Variants in NKAIN2 observed in about 807,000 individuals in gnomAD.
NKAIN2 encodes the protein sodium/potassium-transporting ATPase subunit beta-1-interacting protein 2.
Under a neutral mutation model 32.6 loss-of-function variants are expected in NKAIN2, and 14 were observed. The ratio of observed to expected loss-of-function variants is 0.43; its 90% confidence interval spans 0.28 to 0.67. NKAIN2 has a LOEUF of 0.67. Among genes scored for constraint, NKAIN2 ranks in the 30% least tolerant of loss-of-function variants. The probability of loss-of-function intolerance (pLI) is 0.17; values close to 1 mark genes in which losing one functional copy is unlikely to be tolerated. For missense variants in NKAIN2, 198 were observed against 258.3 expected (o/e 0.77, Z 1.60); for synonymous variants, 80 against 87.2 (o/e 0.92, Z 0.46).
At chr6:124,364,695 A>G (rs1262668565) in intron 3 of NKAIN2, among the ~76,000 whole-genome samples, 1 of 152,018 alleles carries the variant, frequency 6.6e-6, no homozygotes, top group Non-Finnish European at 1.5e-5. Context: ...CGTAAGATAA[A>G]TAATTACTAG....
intron 3 of NKAIN2, among the ~76,000 whole-genome samples, chr6:124,426,674 A>G (rs923034141): frequency 2.0e-4 from 31 of 152,148 alleles, no homozygotes; most frequent in African/African-American, 7.0e-4. Context: ...ATATAGAAGA[A>G]CAAGCATACT....
At chr6:124,342,459 T>C (rs1357395037) in intron 2 of NKAIN2, among the ~76,000 whole-genome samples, 1 of 140,772 alleles carries the variant, frequency 7.1e-6, no homozygotes, top group Non-Finnish European at 1.5e-5. Context: ...AACACCTCAT[T>C]GTTAAAAATT....
intron 3 of NKAIN2, among the ~76,000 whole-genome samples, chr6:124,377,395 A>G (rs1407727287): frequency 6.6e-6 from 1 of 152,166 alleles, no homozygotes; most frequent in African/African-American, 2.4e-5. Flanking sequence ...AGCAGAGAAG[A>G]CAGTTAATTA....
intron 1 of NKAIN2, among the ~76,000 whole-genome samples, chr6:123,939,973 G>A (rs1452611454): frequency 6.6e-6 from 1 of 151,956 alleles, no homozygotes; most frequent in Non-Finnish European, 1.5e-5. Flanking sequence ...GAAACCCAGT[G>A]ATAGGCAGTT....
In NKAIN2 at chr6:124,065,439, G is replaced by T. The variant is rs536145624; in HGVS notation, c.55-217566G>T. On this transcript the variant is annotated intron_variant, in intron 1 of 6. Coordinates refer to ENST00000368417, the MANE Select transcript of NKAIN2 (RefSeq NM_001040214.3). The stretch of plus-strand genomic sequence containing the variant: ...AACTTATTGATAGTATTAGATGGTG[G>T]TGCCTTCAGGAAGTTATTCACTCAT... Among the ~76,000 whole-genome samples, 12 of 152,214 alleles carry T rather than the reference G, an allele frequency of 7.9e-5. No individual in the cohort carries two copies. The South Asian group carries it at 2.5e-3, about 32-fold the overall frequency.
intron 1 of NKAIN2, among the ~76,000 whole-genome samples, chr6:123,859,153 A>G (rs909830453): frequency 1.3e-5 from 2 of 152,084 alleles, no homozygotes; most frequent in African/African-American, 4.8e-5. Flanking sequence ...TTTTTTTGGA[A>G]TGACATAAGA....
intron 1 of NKAIN2, among the ~76,000 whole-genome samples, chr6:124,025,746 G>A (rs1781079888): frequency 6.6e-6 from 1 of 152,122 alleles, no homozygotes; most frequent in South Asian, 2.1e-4. Flanking sequence ...CTTGATGTGC[G>A]AAAAAGTCAC....
chr6:124,424,218 C>G (rs1194164891), intron 3 of NKAIN2, among the ~76,000 whole-genome samples: 1 of 152,076 alleles, frequency 6.6e-6, no homozygotes, highest in Non-Finnish European at 1.5e-5. Context: ...TGGTCTCCAT[C>G]TCCTGACCTC....
intron 2 of NKAIN2, among the ~76,000 whole-genome samples, chr6:124,319,997 A>G (rs901551346): frequency 6.6e-6 from 1 of 152,134 alleles, no homozygotes; most frequent in East Asian, 1.9e-4. Context: ...TTGATCTAAT[A>G]TGTTACACTT....
intron 4 of NKAIN2, among the ~76,000 whole-genome samples, chr6:124,673,868 G>A (rs1332786276): frequency 6.6e-6 from 1 of 151,564 alleles, no homozygotes; most frequent in African/African-American, 2.4e-5. Context: ...CCTTTGCTGT[G>A]CAGAAACTTT....
At chr6:124,731,453 G>A (rs368594685) in intron 4 of NKAIN2, among the ~76,000 whole-genome samples, 41 of 146,928 alleles carry the variant, frequency 2.8e-4, no homozygotes, top group Admixed American at 5.5e-4. Context: ...GTAAACTATC[G>A]CAAGAACAAA....
chr6:123,856,522 G>T (rs1004114043), intron 1 of NKAIN2, among the ~76,000 whole-genome samples: 44 of 152,316 alleles, frequency 2.9e-4, no homozygotes, highest in African/African-American at 1.1e-3. Flanking sequence ...ATATCGTAAA[G>T]TTGGTAAGAG....
At chr6:124,310,015 C>G (rs1796652075) in intron 2 of NKAIN2, among the ~76,000 whole-genome samples, 2 of 152,072 alleles carry the variant, frequency 1.3e-5, no homozygotes, top group Admixed American at 6.6e-5. Context: ...ATAGGTCAGA[C>G]TTGAAATACC....
intron 3 of NKAIN2, among the ~76,000 whole-genome samples, chr6:124,599,074 C>A (rs552421150): frequency 8.2e-5 from 12 of 145,818 alleles, no homozygotes; most frequent in Middle Eastern, 3.8e-3. Context: ...TTTTCAAAAA[C>A]CGAAAATATC....
At chr6:124,261,864 C>CAAA (rs145582914) in intron 1 of NKAIN2, among the ~76,000 whole-genome samples, 5 of 134,034 alleles carry the variant, frequency 3.7e-5, no homozygotes, top group East Asian at 2.2e-4. Flanking sequence ...TTCCATCTCA[C>CAAA]ACAAAAAAAA....
intron 1 of NKAIN2, among the ~76,000 whole-genome samples, chr6:124,272,291 G>C (rs558477089): frequency 2.0e-5 from 3 of 152,198 alleles, no homozygotes; most frequent in African/African-American, 7.2e-5. Flanking sequence ...GGGCTCTGCT[G>C]CTCTGTGCAG....
At chr6:124,586,957 T>C (rs1290733275) in intron 3 of NKAIN2, among the ~76,000 whole-genome samples, 2 of 152,128 alleles carry the variant, frequency 1.3e-5, no homozygotes, top group Non-Finnish European at 2.9e-5. Context: ...TTTATACAAC[T>C]CCTCTTATAT....
chr6:123,998,739 C>CTG (rs200913485), intron 1 of NKAIN2, among the ~76,000 whole-genome samples: 1,784 of 93,726 alleles, frequency 0.019, 11 homozygotes, highest in East Asian at 0.039. Flanking sequence ...TTCTCTCTCT[C>CTG]TCTCTGTGTG....
At chr6:123,995,119 G>A (rs1779562229) in intron 1 of NKAIN2, among the ~76,000 whole-genome samples, 1 of 152,194 alleles carries the variant, frequency 6.6e-6, no homozygotes, top group South Asian at 2.1e-4. Context: ...TCTGCCAGCA[G>A]GGTTGGGAAC....
Sources: allele counts gnomAD v4.1 joint callset (sites outside exome capture counted in the v4.1 genomes callset), GRCh38; gene constraint gnomAD v4.1.1; transcripts MANE v1.5; gene names NCBI Gene and HGNC (gene_info 2026-07-23, HGNC 2026-07-21).